The following GOLM2 variants were observed in gnomAD, a reference collection of about 807,000 sequenced individuals.
The protein encoded by GOLM2 is protein GOLM2.
GOLM2 carries 26 observed loss-of-function variants against 55.9 expected under a neutral mutation model. The ratio of observed to expected loss-of-function variants is 0.47; its 90% CI spans 0.34 to 0.65. GOLM2 has a LOEUF of 0.65. GOLM2 is among the 30% of genes least tolerant of loss of function. GOLM2 has a pLI of 0.01. For missense variants in GOLM2, 486 were observed against 531.8 expected, an observed-to-expected ratio of 0.91 and a Z score of 0.85; for synonymous variants, 165 against 194.6, an observed-to-expected ratio of 0.85 and a Z score of 1.27.
chr15:44,294,633 G>A (rs921158750), intron 1 of GOLM2, among the ~76,000 whole-genome samples: 10 of 149,948 alleles, frequency 6.7e-5, no homozygotes, highest in Admixed American at 4.0e-4. Flanking sequence ...AGAATTGCTT[G>A]AACCCGGCAG....
chr15:44,332,725 C>G (rs2079030381), intron 4 of GOLM2, among the ~76,000 whole-genome samples: 1 of 151,966 alleles, frequency 6.6e-6, no homozygotes, highest in South Asian at 2.1e-4. Context: ...AAAAGAAACA[C>G]TTTTTCCTTT....
chr15:44,396,255 G>A (rs902180049), intron 8 of GOLM2, among the ~76,000 whole-genome samples: 2 of 152,090 alleles, frequency 1.3e-5, no homozygotes, highest in African/African-American at 4.8e-5. Flanking sequence ...CTACTGGAGA[G>A]GCTGAGGCAG....
intron 3 of GOLM2, among the ~76,000 whole-genome samples, chr15:44,329,925 A>G (rs1158448801): frequency 7.9e-6 from 1 of 125,850 alleles, no homozygotes; most frequent in Non-Finnish European, 1.6e-5. Flanking sequence ...TTTGAGATGG[A>G]GTCTCTCACG....
At chr15:44,315,865 G>T (rs779162253) in intron 1 of GOLM2, among the ~76,000 whole-genome samples, 2 of 152,088 alleles carry the variant, frequency 1.3e-5, no homozygotes, top group Non-Finnish European at 2.9e-5. Context: ...AAATGAAGGC[G>T]CTCAAAAGAA....
intron 8 of GOLM2, among the ~76,000 whole-genome samples, chr15:44,389,033 A>C (rs62024133): frequency 0.33 from 49,544 of 151,600 alleles, 9,485 homozygotes; most frequent in Middle Eastern, 0.52. Flanking sequence ...TAGCCAGGAT[A>C]GTCTTGATCT....
At position 44,308,730 on chromosome 15, in the gene GOLM2, C is replaced by T. The variant is rs146092399; in HGVS notation, c.328-14235C>T. Among the ~76,000 whole-genome samples, 604 of 152,070 alleles carry T rather than the reference C, an allele frequency of 4.0e-3. 7 individuals are homozygous for T. Among genetic ancestry groups the T allele is most frequent in the African/African-American group, 0.014 (582 of 41,456 alleles). On this transcript the variant is annotated intron_variant, in intron 1 of 9. Transcript: ENST00000299957. The stretch of plus-strand genomic sequence containing the variant: ...CTCCCACCTCAGACTCCTGAATAGC[C>T]GGGACTGCAGGTGTGTGCACCAAAA...
intron 8 of GOLM2, among the ~76,000 whole-genome samples, chr15:44,392,316 A>G (rs1446204683): frequency 6.6e-6 from 1 of 152,090 alleles, no homozygotes; most frequent in African/African-American, 2.4e-5. Flanking sequence ...TCTCTTATTA[A>G]TATAGATATA....
intron 9 of GOLM2, among the ~76,000 whole-genome samples, chr15:44,407,729 G>A (rs957820655): frequency 8.0e-5 from 12 of 149,276 alleles, no homozygotes; most frequent in East Asian, 4.0e-4. Context: ...GATCACAGGC[G>A]TGAGCCACTG....
rs558825964 is a variant in GOLM2, at chr15:44,402,945, G to A, written c.1131G>A (p.Ala377=). 35 of 1,613,968 alleles carry A rather than the reference G, an allele frequency of 2.2e-5. No individual in the cohort carries two copies. Among genetic ancestry groups the A allele is most frequent in the Non-Finnish European group, 2.6e-5 (31 of 1,179,990 alleles). The stretch of plus-strand genomic sequence containing the variant: ...ATCCGCAGCATGGCTCTAAACTGGC[G>A]GATTATAATGGGGATGATGGTAACG... ...PVDPQHGSKL[A]DYNGDDGNVG... The change falls in exon 9 of 10, where the codon GCG becomes GCA. Residue 377 remains alanine (A), a synonymous_variant. Transcript: ENST00000299957.
chr15:44,310,489 T>TAC lies in GOLM2; in HGVS notation c.328-12465_328-12464dup, dbSNP rs1352234793. 1.9e-3 allele frequency among the ~76,000 whole-genome samples: 254 copies of TAC among 131,982 alleles called. 1 individual carries two copies. The highest frequency in any genetic ancestry group is 0.013 in the South Asian group (57 of 4,442). The allele number at this position is 131,982 out of a possible 152,430, so 86.6% of individuals were successfully genotyped here. A position where few individuals can be genotyped will look rare whatever the true frequency, so the allele number is the denominator to read the frequency against. On this transcript the variant is annotated intron_variant, in intron 1 of 9. Coordinates refer to ENST00000299957, the MANE Select transcript of GOLM2 (RefSeq NM_138423.4). ...ATATATGTATATATATATATATATA[T>TAC]ACACACACACACCCACACACACACA...
intron 4 of GOLM2, among the ~76,000 whole-genome samples, chr15:44,334,170 T>G (rs1186848302): frequency 6.6e-6 from 1 of 152,040 alleles, no homozygotes; most frequent in Non-Finnish European, 1.5e-5. Flanking sequence ...CTACCCTAAA[T>G]GGAACAAGGC....
At chr15:44,397,455 G>A (rs1444726841) in intron 8 of GOLM2, among the ~76,000 whole-genome samples, 10 of 145,006 alleles carry the variant, frequency 6.9e-5, no homozygotes, top group African/African-American at 2.6e-4. Flanking sequence ...CTCCAGCCTG[G>A]GTGACAGAGC....
intron 1 of GOLM2, among the ~76,000 whole-genome samples, chr15:44,321,248 G>A (rs575400877): frequency 6.6e-6 from 1 of 152,176 alleles, no homozygotes; most frequent in African/African-American, 2.4e-5. Context: ...AAGGCAAGAG[G>A]ATTGCTTAAG....
intron 1 of GOLM2, among the ~76,000 whole-genome samples, chr15:44,299,580 A>G (rs1260546937): frequency 6.6e-6 from 1 of 152,072 alleles, no homozygotes; most frequent in Non-Finnish European, 1.5e-5. Flanking sequence ...ACTCTTATAT[A>G]ATATATACTG....
intron 9 of GOLM2, among the ~76,000 whole-genome samples, chr15:44,407,223 T>G (rs1192136204): frequency 6.8e-6 from 1 of 146,938 alleles, no homozygotes; most frequent in Non-Finnish European, 1.5e-5. Flanking sequence ...ATATATTTAA[T>G]ATATTTATAT....
chr15:44,376,230 G>T (rs528234123), intron 6 of GOLM2, among the ~76,000 whole-genome samples: 1 of 152,144 alleles, frequency 6.6e-6, no homozygotes, highest in African/African-American at 2.4e-5. Context: ...GCAAAACTCC[G>T]TCTCAAAAAA....
intron 8 of GOLM2, among the ~76,000 whole-genome samples, chr15:44,397,866 T>C (rs1384748666): frequency 6.6e-6 from 1 of 152,204 alleles, no homozygotes; most frequent in Non-Finnish European, 1.5e-5. Flanking sequence ...GGGATATAGG[T>C]AGCATTAATT....
chr15:44,329,985 A>G (rs2141138077), intron 3 of GOLM2, among the ~76,000 whole-genome samples: 1 of 144,462 alleles, frequency 6.9e-6, no homozygotes, highest in African/African-American at 2.6e-5. Context: ...ATCTTGGCTC[A>G]CTGCAAGCTC....
chr15:44,367,462 C>G (rs1323919775), intron 6 of GOLM2, among the ~76,000 whole-genome samples: 2 of 152,032 alleles, frequency 1.3e-5, no homozygotes, highest in Non-Finnish European at 2.9e-5. Context: ...ATATAGAAAT[C>G]TGGGCTGATA....
Sources: gnomAD v4.1 joint callset for allele counts (sites outside exome capture counted in the v4.1 genomes callset) on GRCh38, gnomAD v4.1.1 for gene constraint, MANE v1.5 for transcripts, NCBI Gene and HGNC (gene_info 2026-07-23, HGNC 2026-07-21) for gene names.